MAGEB10: variants seen among roughly 807,000 people sequenced by gnomAD.
MAGEB10 encodes MAGE family member B10, also known as melanoma-associated antigen B10.
For missense variants in MAGEB10, 190 were observed against 261.9 expected (o/e 0.73, Z 1.89); for synonymous variants, 99 against 101.0 (o/e 0.98, Z 0.12).
At chrX:27,810,138 C>A (rs1047936551) in intron 1 of MAGEB10, among the ~76,000 whole-genome samples, 2 of 111,437 alleles carry the variant, frequency 1.8e-5, no homozygotes, top group African/African-American at 6.5e-5. Context: ...CCTTGGCAAC[C>A]CGCTGGGGTC....
chrX:27,814,267 CT>C (rs1286381901), intron 1 of MAGEB10, among the ~76,000 whole-genome samples: 1 of 110,786 alleles, frequency 9.0e-6, no homozygotes, highest in African/African-American at 3.3e-5. Flanking sequence ...ATTAGGTTGT[CT>C]TTAGTATCAT....
chrX:27,814,910 A>G (rs770196993), intron 1 of MAGEB10, among the ~76,000 whole-genome samples: 4 of 112,452 alleles, frequency 3.6e-5, no homozygotes, highest in Admixed American at 9.4e-5. Context: ...TCTCTAGGCA[A>G]TAAAAAGAAG....
intron 1 of MAGEB10, among the ~76,000 whole-genome samples, chrX:27,809,877 G>C (rs1923643004): frequency 9.3e-6 from 1 of 107,965 alleles, no homozygotes; most frequent in South Asian, 4.3e-4. Flanking sequence ...TCTAGCTCAA[G>C]GTTTGTGAAT....
At chrX:27,815,673 T>C (rs1400608426) in intron 1 of MAGEB10, among the ~76,000 whole-genome samples, 1 of 112,357 alleles carries the variant, frequency 8.9e-6, no homozygotes, top group Middle Eastern at 4.2e-3. Flanking sequence ...GTATCAACCA[T>C]GTCCAGAAAT....
Position 27,808,001 on chromosome X carries a change from G to C in MAGEB10, c.-234G>C, listed in dbSNP as rs1397194204. On this transcript the variant is annotated 5_prime_UTR_variant, in exon 1 of 3. Transcript: ENST00000356790. Reference sequence around the variant, plus strand: ...CCTTGCAGTGAGGCGATTGGTATCTGGTCAGCAGAGAAAGGCATCCAGGCC... The same window carrying C: ...CCTTGCAGTGAGGCGATTGGTATCTCGTCAGCAGAGAAAGGCATCCAGGCC... 8.9e-6 allele frequency: 1 copy of C among 112,573 alleles called. No individual in the cohort carries two copies. Among genetic ancestry groups the C allele is most frequent in the Non-Finnish European group, 1.9e-5 (1 of 53,275 alleles). 9.3% of individuals were successfully genotyped at this position (112,573 alleles called of 1,213,427 possible).
At chrX:27,819,214 A>C (rs985125716) in intron 2 of MAGEB10, among the ~76,000 whole-genome samples, 2 of 110,478 alleles carry the variant, frequency 1.8e-5, no homozygotes, top group African/African-American at 6.6e-5. Flanking sequence ...CAGGAGGAGG[A>C]GTCGTCCCAG....
At chrX:27,820,365 G>A (rs1469946224) in intron 2 of MAGEB10, among the ~76,000 whole-genome samples, 1 of 111,276 alleles carries the variant, frequency 9.0e-6, no homozygotes, top group Non-Finnish European at 1.9e-5. Context: ...CACTCCAAAA[G>A]ACGGGCCCCA....
intron 2 of MAGEB10, among the ~76,000 whole-genome samples, chrX:27,820,285 C>T (rs927366034): frequency 7.2e-5 from 8 of 111,751 alleles, no homozygotes; most frequent in African/African-American, 2.6e-4. Context: ...TTTAGGTTGT[C>T]AGAGGAGCTA....
intron 1 of MAGEB10, among the ~76,000 whole-genome samples, chrX:27,808,866 G>A (rs1291938935): frequency 8.9e-6 from 1 of 112,065 alleles, no homozygotes; most frequent in Non-Finnish European, 1.9e-5. Context: ...TCCTAAGTAG[G>A]GGTAGCTGGA....
intron 1 of MAGEB10, among the ~76,000 whole-genome samples, chrX:27,809,052 C>T (rs1396414657): frequency 8.9e-6 from 1 of 112,687 alleles, no homozygotes; most frequent in Non-Finnish European, 1.9e-5. Context: ...TTGAGGAGCC[C>T]TTCAGCCCAC....
In MAGEB10 at chrX:27,821,726, T is replaced by C. The variant is rs1233787534; in HGVS notation, c.420T>C (p.Asn140=). 1 of 1,211,777 alleles carries C rather than the reference T, an allele frequency of 8.3e-7. No homozygotes were observed. The highest frequency in any genetic ancestry group is 1.8e-5 in the South Asian group (1 of 56,991). ...TTACAAAGGCAGATATGCTGAGAAA[T>C]GTAACCCAAATGTCCAAGAGCCAGT... is the stretch of plus-strand genomic sequence containing the variant. ...EPITKADMLR[N]VTQMSKSQFP... is the part of the protein sequence containing the mutation. The change falls in exon 3 of 3, where the codon AAT becomes AAC. Residue 140 remains asparagine, a synonymous_variant. Coordinates refer to ENST00000356790, the MANE Select transcript of MAGEB10 (RefSeq NM_182506.3).
intron 1 of MAGEB10, among the ~76,000 whole-genome samples, chrX:27,808,533 C>G (rs998631693): frequency 9.0e-6 from 1 of 111,571 alleles, no homozygotes; most frequent in Non-Finnish European, 1.9e-5. Flanking sequence ...GGCATCCAGG[C>G]CCTGCCAGGA....
Position 27,808,033 on chromosome X carries a change from G to A in MAGEB10, c.-202G>A, listed in dbSNP as rs1158726141. On this transcript the variant is annotated 5_prime_UTR_variant, in exon 1 of 3. Coordinates refer to ENST00000356790, the MANE Select transcript of MAGEB10 (RefSeq NM_182506.3). Reference sequence around the variant, plus strand: ...AGAGAAAGGCATCCAGGCCCCGCCAGGAGGTAAGGCAAAGACACTGAATAG... The same window carrying A: ...AGAGAAAGGCATCCAGGCCCCGCCAAGAGGTAAGGCAAAGACACTGAATAG... 1 of 112,952 alleles carries A rather than the reference G, an allele frequency of 8.9e-6. No homozygotes were observed. Among genetic ancestry groups the A allele is most frequent in the Admixed American group, 9.3e-5 (1 of 10,785 alleles). The allele number at this position is 112,952 out of a possible 1,213,427, so 9.3% of individuals were successfully genotyped here. A position where few individuals can be genotyped will look rare whatever the true frequency, so the allele number is the denominator to read the frequency against.
chrX:27,812,435 A>G (rs1923709252), intron 1 of MAGEB10: 1 of 139,086 alleles, frequency 7.2e-6, no homozygotes, highest in East Asian at 2.1e-4. Flanking sequence ...ACAAACTAGA[A>G]TTAGGCCATG....
intron 1 of MAGEB10, among the ~76,000 whole-genome samples, chrX:27,809,216 CG>C (rs1024748532): frequency 5.0e-4 from 55 of 110,804 alleles, no homozygotes; most frequent in African/African-American, 1.4e-3. Context: ...ATGAGCTTGG[CG>C]GGCCCGGCAC....
chrX:27,815,778 T>C (rs1923774466), intron 1 of MAGEB10, among the ~76,000 whole-genome samples: 1 of 111,914 alleles, frequency 8.9e-6, no homozygotes, highest in African/African-American at 3.2e-5. Context: ...AAATAACATA[T>C]TGATTAGATC....
rs1264664714 is a variant in MAGEB10 at position 27,810,931 on chromosome X, C to T, written c.-199+2895C>T. Among the ~76,000 whole-genome samples, 11 of 109,906 alleles carry T rather than the reference C, an allele frequency of 1.0e-4. 1 individual carries two copies. On this transcript the variant is annotated intron_variant, in intron 1 of 2. Coordinates refer to ENST00000356790, the MANE Select transcript of MAGEB10 (RefSeq NM_182506.3). The stretch of plus-strand genomic sequence containing the variant: ...GAGGACTGATGGGGCTAGGCACTGC[C>T]TCTGTGGTCAGCCTTGGGAAGCCCT...
chrX:27,813,456 A>G (rs1318558635), intron 1 of MAGEB10, among the ~76,000 whole-genome samples: 2 of 112,106 alleles, frequency 1.8e-5, no homozygotes, highest in Non-Finnish European at 3.8e-5. Flanking sequence ...TTTCTCAAAC[A>G]TTACTTGGGC....
rs774649822 is a variant in MAGEB10, at chrX:27,821,362, G to A, written c.56G>A (p.Arg19Gln). 5 of 1,209,972 alleles carry A rather than the reference G, an allele frequency of 4.1e-6. No homozygotes were observed. The highest frequency in any genetic ancestry group is 3.0e-5 in the East Asian group (1 of 33,723). Residue 19 changes from arginine (R) to glutamine (Q), a missense_variant, in exon 3 of 3, where the codon CGA (arginine) becomes CAA (glutamine). By Grantham distance (43) the Arg-to-Gln change is conservative. Coordinates refer to ENST00000356790, the MANE Select transcript of MAGEB10 (RefSeq NM_182506.3). ...GCCAGGGAAAAACGCCGTCAGGCCC[G>A]AGGAGGGCTGGAAGATTTGATAGAT... The part of the protein sequence containing the change: ...LRAREKRRQA[R>Q]GGLEDLIDAL...
Sources: gnomAD v4.1 joint callset for allele counts (sites outside exome capture counted in the v4.1 genomes callset) on GRCh38, gnomAD v4.1.1 for gene constraint, MANE v1.5 for transcripts, NCBI Gene and HGNC (gene_info 2026-07-23, HGNC 2026-07-21) for gene names.